MGAT4A: variants seen among roughly 807,000 people sequenced by gnomAD.
MGAT4A encodes N-acetylglucosaminyltransferase IVa.
MGAT4A carries 33 observed loss-of-function variants against 74.1 expected under a neutral mutation model. That is an observed-to-expected ratio of 0.45 (90% confidence interval 0.34 to 0.60). The LOEUF (loss-of-function observed/expected upper bound fraction) is 0.60, where lower values mean the gene tolerates loss of function less well. Ranked by LOEUF, MGAT4A falls within the 20% of genes least tolerant of loss-of-function variation. MGAT4A has a pLI of 0.02. For synonymous variants in MGAT4A, 198 were observed against 210.4 expected (o/e 0.94, Z 0.51); for missense variants, 479 against 628.3 (o/e 0.76, Z 2.54).
chr2:98,625,274 T>A lies in MGAT4A; in HGVS notation c.*292A>T. The A allele has an allele frequency of 9.8e-7, 1 of 1,018,978 alleles. No homozygotes were observed. 63.1% of individuals were successfully genotyped at this position (1,018,978 alleles called of 1,614,324 possible). On this transcript the variant is annotated 3_prime_UTR_variant, in exon 16 of 16. Coordinates refer to ENST00000393487, the MANE Select transcript of MGAT4A (RefSeq NM_012214.3). ...TAGTTTTTCTCAAATTTAAAGAATGTAACAATATGTACAACTCTTATGTAT... is the reference window on the plus strand; with the variant it reads ...TAGTTTTTCTCAAATTTAAAGAATGAAACAATATGTACAACTCTTATGTAT...
At chr2:98,725,290 G>A (rs1301456650) in intron 2 of MGAT4A, among the ~76,000 whole-genome samples, 4 of 152,042 alleles carry the variant, frequency 2.6e-5, no homozygotes, top group African/African-American at 9.7e-5. Flanking sequence ...CACAGAGCAT[G>A]TTTTCACTTA....
At position 98,665,572 on chromosome 2, in the gene MGAT4A, A is replaced by G. The variant is rs75865240; in HGVS notation, c.404-2393T>C. 5.0e-3 allele frequency among the ~76,000 whole-genome samples: 755 copies of G among 152,364 alleles called. 7 individuals are homozygous for G. The highest frequency in any genetic ancestry group is 0.017 in the African/African-American group (696 of 41,586). On this transcript the variant is annotated intron_variant, in intron 4 of 15. Transcript: ENST00000393487. ...AAGATATTTGCTCTATTTGTTTTGC[A>G]CATATTTACTGCAAGGCACTATTCT...
At chr2:98,705,248 T>C (rs1702408547) in intron 2 of MGAT4A, among the ~76,000 whole-genome samples, 1 of 152,190 alleles carries the variant, frequency 6.6e-6, no homozygotes, top group Non-Finnish European at 1.5e-5. Flanking sequence ...ACAGGTGTGA[T>C]TAATTCATTG....
At position 98,621,909 on chromosome 2, in the gene MGAT4A, G is replaced by T; in HGVS notation, c.*3657C>A. Reference sequence around the variant, plus strand: ...GAGAAGATACACACTTTGTTCAAGGGTATTCAACCATCTCCAATTGTTGAA... The same window carrying T: ...GAGAAGATACACACTTTGTTCAAGGTTATTCAACCATCTCCAATTGTTGAA... On this transcript the variant is annotated 3_prime_UTR_variant, in exon 16 of 16. Coordinates refer to ENST00000393487, the MANE Select transcript of MGAT4A (RefSeq NM_012214.3). The T allele has an allele frequency of 1.0e-6, 1 of 998,492 alleles. No homozygotes were observed. Among genetic ancestry groups the T allele is most frequent in the South Asian group, 4.4e-5 (1 of 22,772 alleles). 61.9% of individuals were successfully genotyped at this position (998,492 alleles called of 1,614,324 possible).
intron 4 of MGAT4A, 22 bp from the exon 5 acceptor site, chr2:98,663,201 A>AT (rs1559162823): frequency 6.4e-7 from 1 of 1,561,264 alleles, no homozygotes; most frequent in South Asian, 1.2e-5. Flanking sequence ...AATAGTAATT[A>AT]TATTAAAAAA....
chr2:98,680,821 GAC>G (rs1369679509), intron 2 of MGAT4A, among the ~76,000 whole-genome samples: 4 of 152,134 alleles, frequency 2.6e-5, no homozygotes, highest in African/African-American at 9.7e-5. Flanking sequence ...TATAAGAAGA[GAC>G]ACATAAGTTT....
Position 98,731,096 on chromosome 2 carries a change from A to AGCCGCC in MGAT4A, c.-290_-285dup, listed in dbSNP as rs1206270683. 3 of 114,834 alleles carry AGCCGCC rather than the reference A, an allele frequency of 2.6e-5. No individual in the cohort carries two copies. The highest frequency in any genetic ancestry group is 2.4e-4 in the South Asian group (1 of 4,196). The allele number at this position is 114,834 out of a possible 1,614,324, so 7.1% of individuals were successfully genotyped here. On this transcript the variant is annotated 5_prime_UTR_variant, in exon 1 of 16. Transcript: ENST00000393487. The surrounding 1 kb of genome is among the most constrained non-coding windows in gnomAD (Gnocchi z 4.8). ...CCGCGGCTGCCGGCGGAGCTGCTGTAGCCGCCGCCGCCGCTGCCGCCGCCG... is the reference window on the plus strand; with the variant it reads ...CCGCGGCTGCCGGCGGAGCTGCTGTAGCCGCCGCCGCCGCCGCCGCTGCCGCCGCCG...
In MGAT4A at chr2:98,623,522, A is replaced by G; in HGVS notation, c.*2044T>C. ...TGCCAAAATTTTATGACAAAAGGTT[A>G]TTCCTGTTTTTGAATGAAATTTGCT... On this transcript the variant is annotated 3_prime_UTR_variant, in exon 16 of 16. Coordinates refer to ENST00000393487, the MANE Select transcript of MGAT4A (RefSeq NM_012214.3). 1 of 985,426 alleles carries G rather than the reference A, an allele frequency of 1.0e-6. No individual in the cohort carries two copies. The highest frequency in any genetic ancestry group is 4.7e-5 in the South Asian group (1 of 21,294). 61.0% of individuals were successfully genotyped at this position (985,426 alleles called of 1,614,324 possible).
chr2:98,651,273 G>A lies in MGAT4A; in HGVS notation c.774+4172C>T, dbSNP rs113846242. On this transcript the variant is annotated intron_variant, in intron 8 of 15. Coordinates refer to ENST00000393487, the MANE Select transcript of MGAT4A (RefSeq NM_012214.3). ...TACAGATAAATATAGACGTAGTAAG[G>A]TAATGCAGGTGCATGAATCACTTTA... Among the ~76,000 whole-genome samples, 55 of 152,270 alleles carry A rather than the reference G, an allele frequency of 3.6e-4. 1 individual carries two copies. The highest frequency in any genetic ancestry group is 1.3e-3 in the African/African-American group (53 of 41,558).
chr2:98,685,035 G>C (rs750511769), intron 2 of MGAT4A, among the ~76,000 whole-genome samples: 1 of 152,086 alleles, frequency 6.6e-6, no homozygotes, highest in Non-Finnish European at 1.5e-5. Flanking sequence ...CTAATAGTTT[G>C]AGACCAGCCT....
intron 2 of MGAT4A, among the ~76,000 whole-genome samples, chr2:98,706,066 T>C (rs529735079): frequency 3.9e-5 from 6 of 152,234 alleles, no homozygotes; most frequent in Admixed American, 6.5e-5. Flanking sequence ...CTGAACCGAT[T>C]GATAAAAATA....
At chr2:98,678,213 G>C (rs1335259937) in intron 3 of MGAT4A, 91 bp downstream of exon 3, 1 of 254,236 alleles carries the variant, frequency 3.9e-6, no homozygotes. Context: ...CTGGGCTACA[G>C]AGTGAGACTC....
At chr2:98,701,578 C>T (rs1469646028) in intron 2 of MGAT4A, among the ~76,000 whole-genome samples, 1 of 152,162 alleles carries the variant, frequency 6.6e-6, no homozygotes, top group Non-Finnish European at 1.5e-5. Flanking sequence ...AGCTTTCCAA[C>T]CTGGAAAAAT....
chr2:98,660,853 C>T (rs1701738469), intron 5 of MGAT4A, among the ~76,000 whole-genome samples: 1 of 152,120 alleles, frequency 6.6e-6, no homozygotes. Flanking sequence ...CGACATTGGC[C>T]TGGGCAATGG....
chr2:98,636,056 C>T (rs1701314470), intron 13 of MGAT4A, among the ~76,000 whole-genome samples: 1 of 148,774 alleles, frequency 6.7e-6, no homozygotes, highest in Non-Finnish European at 1.5e-5. Flanking sequence ...CTAGTAGAAA[C>T]GTTCATATTA....
rs1219642694 is a variant in MGAT4A at position 98,621,746 on chromosome 2, T to G, written c.*3820A>C. ...GTGCTGTTTCCACATAACCAGTCTT[T>G]TCTTTGAGGGACAGCACTGTTGGGA... On this transcript the variant is annotated 3_prime_UTR_variant, in exon 16 of 16. Coordinates refer to ENST00000393487, the MANE Select transcript of MGAT4A (RefSeq NM_012214.3). 2 of 1,220,122 alleles carry G rather than the reference T, an allele frequency of 1.6e-6. No individual in the cohort carries two copies. Among genetic ancestry groups the G allele is most frequent in the Non-Finnish European group, 2.0e-6 (2 of 978,200 alleles). 75.6% of individuals were successfully genotyped at this position (1,220,122 alleles called of 1,614,324 possible).
chr2:98,696,181 C>T (rs939843427), intron 2 of MGAT4A, among the ~76,000 whole-genome samples: 1 of 152,180 alleles, frequency 6.6e-6, no homozygotes, highest in African/African-American at 2.4e-5. Context: ...CCACACCCAG[C>T]CAACTTCCTA....
At chr2:98,660,504 C>T (rs964099014) in intron 5 of MGAT4A, among the ~76,000 whole-genome samples, 1 of 149,832 alleles carries the variant, frequency 6.7e-6, no homozygotes. Flanking sequence ...AAGCTGGAGG[C>T]AACACACTTT....
intron 2 of MGAT4A, among the ~76,000 whole-genome samples, chr2:98,708,608 C>G (rs1253842380): frequency 1.3e-5 from 2 of 152,210 alleles, no homozygotes; most frequent in Non-Finnish European, 2.9e-5. Context: ...GAAATACCAG[C>G]AACCAGTAAT....
Sources: gnomAD v4.1 joint callset for allele counts (sites outside exome capture counted in the v4.1 genomes callset) on GRCh38, gnomAD v4.1.1 for gene constraint, Gnocchi (gnomAD v3.1) non-coding constraint, MANE v1.5 for transcripts, NCBI Gene and HGNC (gene_info 2026-07-23, HGNC 2026-07-21) for gene names.